ZNF529: variants seen among roughly 807,000 people sequenced by gnomAD.
The protein encoded by ZNF529 is zinc finger protein 529.
Under a neutral mutation model 10.1 loss-of-function variants are expected in ZNF529, and 11 were observed. The ratio of observed to expected loss-of-function variants is 1.09; its 90% CI spans 0.69 to 1.81. The LOEUF (loss-of-function observed/expected upper bound fraction) is 1.81, where lower values mean the gene tolerates loss of function less well. Among genes scored for constraint, ZNF529 ranks in the 40% most tolerant of loss-of-function variants. The pLI is 0.00. For missense variants in ZNF529, 624 were observed against 666.8 expected (o/e 0.94, Z 0.71); for synonymous variants, 204 against 215.7 (o/e 0.95, Z 0.47).
chr19:36,599,254 C>T (rs2036887080), intron 1 of ZNF529, among the ~76,000 whole-genome samples: 1 of 152,162 alleles, frequency 6.6e-6, no homozygotes, highest in Non-Finnish European at 1.5e-5. Context: ...TAAGTCTGTA[C>T]AAATACATAC....
chr19:36,571,612 T>A (rs928983578), intron 2 of ZNF529, among the ~76,000 whole-genome samples: 2 of 151,282 alleles, frequency 1.3e-5, no homozygotes, highest in African/African-American at 4.9e-5. Flanking sequence ...GAGGCAGAGG[T>A]TGCAGTGAAC....
At chr19:36,585,418 T>A (rs2036559556) in intron 2 of ZNF529, among the ~76,000 whole-genome samples, 1 of 152,184 alleles carries the variant, frequency 6.6e-6, no homozygotes, top group African/African-American at 2.4e-5. Context: ...CTAGCTACAA[T>A]CCCCACCTGC....
chr19:36,585,761 G>A (rs969993739), intron 2 of ZNF529, among the ~76,000 whole-genome samples: 1 of 152,192 alleles, frequency 6.6e-6, no homozygotes, highest in African/African-American at 2.4e-5. Flanking sequence ...TTGGGAGGCT[G>A]GATTTTGGTG....
chr19:36,579,385 A>T (rs563421829), intron 2 of ZNF529, among the ~76,000 whole-genome samples: 1 of 152,338 alleles, frequency 6.6e-6, no homozygotes, highest in South Asian at 2.1e-4. Flanking sequence ...AGAGCAGGTC[A>T]TTAGGAATTT....
intron 2 of ZNF529, among the ~76,000 whole-genome samples, chr19:36,568,945 C>A (rs978010808): frequency 3.3e-5 from 5 of 152,158 alleles, no homozygotes; most frequent in African/African-American, 9.7e-5. Context: ...ATTTTAATTG[C>A]CTGGACACCT....
intron 2 of ZNF529, among the ~76,000 whole-genome samples, chr19:36,585,001 G>A (rs896928928): frequency 2.0e-5 from 3 of 152,126 alleles, no homozygotes; most frequent in Non-Finnish European, 4.4e-5. Context: ...GTATAAGCCT[G>A]ATTAAACAGA....
chr19:36,552,989 G>A (rs1412383985), intron 4 of ZNF529, among the ~76,000 whole-genome samples: 2 of 152,206 alleles, frequency 1.3e-5, no homozygotes, highest in African/African-American at 4.8e-5. Context: ...CAGATTGCCT[G>A]GGTGGAAAGC....
chr19:36,559,621 AAG>A (rs2035606534), intron 2 of ZNF529, among the ~76,000 whole-genome samples: 1 of 152,218 alleles, frequency 6.6e-6, no homozygotes, highest in Non-Finnish European at 1.5e-5. Context: ...CAGTAACTTG[AAG>A]AGATATTTGC....
At position 36,544,716 on chromosome 19, in the gene ZNF529, A is replaced by C. The variant is rs954995646; in HGVS notation, c.*2150T>G. The C allele has an allele frequency of 2.6e-5, 4 of 152,326 alleles. No individual in the cohort carries two copies. Among genetic ancestry groups the C allele is most frequent in the Non-Finnish European group, 5.9e-5 (4 of 68,024 alleles). 9.4% of individuals were successfully genotyped at this position (152,326 alleles called of 1,614,324 possible). ...CTTACTGTGTAGGACATGAAACAAC[A>C]ACCAATTACATATCTTTTAAAACTA... On this transcript the variant is annotated 3_prime_UTR_variant, in exon 5 of 5. Coordinates refer to ENST00000591340, the MANE Select transcript of ZNF529 (RefSeq NM_020951.5).
chr19:36,554,953 C>G (rs998160363), intron 3 of ZNF529, among the ~76,000 whole-genome samples, 157 bp from the exon 4 acceptor site: 2 of 152,216 alleles, frequency 1.3e-5, no homozygotes, highest in Non-Finnish European at 2.9e-5. Context: ...TGCTTCCAAA[C>G]CAGACTATCA....
intron 4 of ZNF529, among the ~76,000 whole-genome samples, chr19:36,554,307 A>G (rs1381694302): frequency 1.3e-5 from 2 of 152,200 alleles, no homozygotes; most frequent in African/African-American, 2.4e-5. Context: ...AGGACGGCGC[A>G]GTGGCTCACA....
At chr19:36,588,133 G>A (rs887385604) in intron 2 of ZNF529, among the ~76,000 whole-genome samples, 2 of 152,148 alleles carry the variant, frequency 1.3e-5, no homozygotes, top group Admixed American at 1.3e-4. Flanking sequence ...GGGTGAAAGA[G>A]CAAGACTCTC....
Position 36,548,224 on chromosome 19 carries a change from A to G in ZNF529, c.334T>C (p.Cys112Arg), listed in dbSNP as rs1249379671. The change falls in exon 5 of 5, where the codon TGT becomes CGT. Residue 112 changes from cysteine to arginine, a missense_variant. Transcript: ENST00000591340. ...CTGAAAATGGAACCTTCAAGGCCAC[A>G]TAACTTGCTACTTTCCATTACCTCC... Reference protein sequence around the residue: ...QWEVMESSKLCGLEGSIFRND... With the variant: ...QWEVMESSKLRGLEGSIFRND... 5.6e-6 allele frequency: 9 copies of G among 1,613,754 alleles called. No individual in the cohort carries two copies. In the Admixed American group the frequency reaches 1.5e-4, roughly 27 times the overall value.
chr19:36,558,378 T>A (rs550283865), intron 2 of ZNF529, among the ~76,000 whole-genome samples: 2 of 152,110 alleles, frequency 1.3e-5, no homozygotes, highest in South Asian at 4.1e-4. Context: ...GATGCATCAT[T>A]ATAAAAGCAC....
At chr19:36,572,479 C>T in intron 1 of ZNF529, 87 bp from the exon 2 acceptor site, 1 of 1,059,818 alleles carries the variant, frequency 9.4e-7, no homozygotes, top group South Asian at 1.5e-5. Flanking sequence ...AAGCCCATCA[C>T]ACACAACAAA....
intron 2 of ZNF529, among the ~76,000 whole-genome samples, chr19:36,587,024 G>A (rs1383640476): frequency 6.6e-6 from 1 of 152,202 alleles, no homozygotes; most frequent in East Asian, 1.9e-4. Context: ...CAACACTTTG[G>A]GAGGCTGAGG....
upstream of ZNF529, among the ~76,000 whole-genome samples, chr19:36,573,872 A>C (rs2036242175): frequency 6.6e-6 from 1 of 152,062 alleles, no homozygotes. Context: ...TCTGGCTTCT[A>C]AGTGTGGGGG....
chr19:36,565,176 A>G (rs921689183), intron 2 of ZNF529, among the ~76,000 whole-genome samples: 6 of 152,166 alleles, frequency 3.9e-5, no homozygotes, highest in Non-Finnish European at 8.8e-5. Context: ...TTGTACTCCA[A>G]ATCTCAGCAT....
chr19:36,557,041 C>T (rs779250243), intron 2 of ZNF529, among the ~76,000 whole-genome samples: 6 of 152,068 alleles, frequency 3.9e-5, no homozygotes, highest in Non-Finnish European at 8.8e-5. Context: ...GAACAAATCT[C>T]GAACACTGAC....
Sources: gnomAD v4.1 joint callset for allele counts (sites outside exome capture counted in the v4.1 genomes callset) on GRCh38, gnomAD v4.1.1 for gene constraint, MANE v1.5 for transcripts, NCBI Gene and HGNC (gene_info 2026-07-23, HGNC 2026-07-21) for gene names.